Variants in TMPRSS11A observed in about 807,000 individuals in gnomAD.
TMPRSS11A encodes transmembrane protease serine 11A.
In TMPRSS11A, 53 loss-of-function variants were observed where a neutral mutation model predicts 58.9. The ratio of observed to expected loss-of-function variants is 0.90; its 90% CI spans 0.72 to 1.13. The LOEUF (loss-of-function observed/expected upper bound fraction) is 1.13, where lower values mean the gene tolerates loss of function less well. Ranked by LOEUF, TMPRSS11A falls within the 50% of genes most tolerant of loss-of-function variation. The pLI is 0.00. For synonymous variants in TMPRSS11A, 167 were observed against 169.8 expected, an observed-to-expected ratio of 0.98 and a Z score of 0.13; for missense variants, 493 against 499.3, an observed-to-expected ratio of 0.99 and a Z score of 0.12.
chr4:67,918,590 T>C (rs1011666101), intron 8 of TMPRSS11A, among the ~76,000 whole-genome samples: 1 of 152,184 alleles, frequency 6.6e-6, no homozygotes, highest in East Asian at 1.9e-4. Context: ...GGATGATGTG[T>C]TGAGGTGTTG....
At position 67,920,549 on chromosome 4, in the gene TMPRSS11A, A is replaced by ATATATATATAT. The variant is rs371252656; in HGVS notation, c.693-1318_693-1317insATATATATATA. Among the ~76,000 whole-genome samples, 35 of 130,896 alleles carry ATATATATATAT rather than the reference A, an allele frequency of 2.7e-4. 1 individual carries two copies. In the East Asian group the frequency reaches 3.5e-3, roughly 13 times the overall value. The allele number at this position is 130,896 out of a possible 152,430, so 85.9% of individuals were successfully genotyped here. A position where few individuals can be genotyped will look rare whatever the true frequency, so the allele number is the denominator to read the frequency against. ...TAATTATATATATATATATATATAT[A>ATATATATATAT]TTTTTTTTTATATATACACACACAC... On this transcript the variant is annotated intron_variant, in intron 7 of 9. Coordinates refer to ENST00000508048, the MANE Select transcript of TMPRSS11A (RefSeq NM_001114387.2).
chr4:67,958,759 T>C (rs758522314), intron 1 of TMPRSS11A, among the ~76,000 whole-genome samples: 1 of 152,250 alleles, frequency 6.6e-6, no homozygotes, highest in African/African-American at 2.4e-5. Context: ...CAAAATGATA[T>C]GGTTTGGCTG....
intron 5 of TMPRSS11A, among the ~76,000 whole-genome samples, chr4:67,925,621 G>A (rs1452122769): frequency 1.3e-5 from 2 of 152,158 alleles, no homozygotes; most frequent in African/African-American, 4.8e-5. Context: ...CAATTGCTCA[G>A]GACCATCGAT....
intron 4 of TMPRSS11A, 68 bp downstream of exon 4, chr4:67,931,925 G>A (rs530085196): frequency 3.5e-5 from 32 of 916,648 alleles, no homozygotes; most frequent in Non-Finnish European, 5.6e-5. Context: ...CAATACATGA[G>A]AGTCCCTGTC....
intron 1 of TMPRSS11A, among the ~76,000 whole-genome samples, chr4:67,952,935 C>G (rs1156317611): frequency 6.6e-6 from 1 of 152,010 alleles, no homozygotes; most frequent in Non-Finnish European, 1.5e-5. Context: ...CAGCCCCAAC[C>G]TTTTTGGCAC....
intron 3 of TMPRSS11A, among the ~76,000 whole-genome samples, chr4:67,943,997 C>A (rs1260745003): frequency 6.6e-6 from 1 of 152,076 alleles, no homozygotes; most frequent in Admixed American, 6.6e-5. Context: ...TTTTTGGGAG[C>A]AGTCTTGCAC....
rs145025861 is a variant in TMPRSS11A, at chr4:67,944,353, A to G, written c.252+166T>C. Among the ~76,000 whole-genome samples the G allele has an allele frequency of 1.3e-3, 193 of 152,196 alleles. 1 individual carries two copies. The highest frequency in any genetic ancestry group is 4.6e-3 in the African/African-American group (189 of 41,538). On this transcript the variant is annotated intron_variant, in intron 3 of 9. Transcript: ENST00000508048. The stretch of plus-strand genomic sequence containing the variant: ...CTTACTCTCCTCTCCCCACCTACCC[A>G]TCTCATCATACTCTGATTAAGCAGG...
Position 67,914,721 on chromosome 4 carries a change from T to G in TMPRSS11A, c.962A>C (p.Gln321Pro). ...FGALYYGGESQNDLREARVKI... is the reference protein window; with the variant it reads ...FGALYYGGESPNDLREARVKI... The stretch of plus-strand genomic sequence containing the variant: ...CACTCTGGCTTCTCGGAGATCATTT[T>G]GGGATTCCCCTTAAGGAAAAATAGA... The change falls in exon 9 of 10, where the codon CAA becomes CCA. Residue 321 changes from glutamine to proline, a missense_variant. Coordinates refer to ENST00000508048, the MANE Select transcript of TMPRSS11A (RefSeq NM_001114387.2). 1 of 1,612,990 alleles carries G rather than the reference T, an allele frequency of 6.2e-7. No individual in the cohort carries two copies. The highest frequency in any genetic ancestry group is 8.5e-7 in the Non-Finnish European group (1 of 1,179,392).
At chr4:67,930,899 T>C (rs1172240612) in intron 4 of TMPRSS11A, among the ~76,000 whole-genome samples, 1 of 145,248 alleles carries the variant, frequency 6.9e-6, no homozygotes, top group African/African-American at 2.6e-5. Context: ...AAAAGGAAAT[T>C]CTGAGACAAT....
intron 3 of TMPRSS11A, among the ~76,000 whole-genome samples, chr4:67,936,500 C>T (rs896419500): frequency 1.3e-5 from 2 of 152,078 alleles, no homozygotes; most frequent in Non-Finnish European, 2.9e-5. Flanking sequence ...TTGGAGAAAG[C>T]AGTTGGATCC....
At chr4:67,938,605 C>G (rs576257897) in intron 3 of TMPRSS11A, among the ~76,000 whole-genome samples, 1 of 152,006 alleles carries the variant, frequency 6.6e-6, no homozygotes, top group Non-Finnish European at 1.5e-5. Flanking sequence ...TGATAGGAGT[C>G]CAATTTCATT....
At chr4:67,918,942 A>AAG in intron 8 of TMPRSS11A, 31 bp downstream of exon 8, 1 of 1,612,222 alleles carries the variant, frequency 6.2e-7, no homozygotes. Context: ...GACAGGGCTT[A>AAG]GCGCTCTGTT....
At chr4:67,939,918 A>G (rs6850103) in intron 3 of TMPRSS11A, among the ~76,000 whole-genome samples, 1,654 of 152,148 alleles carry the variant, frequency 0.011, 28 homozygotes, top group African/African-American at 0.037. Flanking sequence ...CGAACTTCTG[A>G]CCTCAGGTAA....
intron 3 of TMPRSS11A, among the ~76,000 whole-genome samples, chr4:67,937,865 T>C (rs980586709): frequency 6.6e-6 from 1 of 152,106 alleles, no homozygotes; most frequent in Non-Finnish European, 1.5e-5. Flanking sequence ...TGGTAATTAA[T>C]GTGAGAGTGC....
Position 67,930,182 on chromosome 4 carries a change from A to G in TMPRSS11A, c.321-142T>C, listed in dbSNP as rs61641677. On this transcript the variant is annotated intron_variant, in intron 4 of 9. Transcript: ENST00000508048. ...GATCCTCTCATGTCATTCTGACCCA[A>G]GGTCATTTCATATGTTCCCTCTTCT... The G allele has an allele frequency of 5.0e-3, 2,972 of 594,200 alleles. 77 individuals are homozygous for G. The highest frequency in any genetic ancestry group is 0.049 in the African/African-American group (2,704 of 54,662). 36.8% of individuals were successfully genotyped at this position (594,200 alleles called of 1,614,324 possible).
At chr4:67,959,989 T>TA (rs943847379) in intron 1 of TMPRSS11A, among the ~76,000 whole-genome samples, 2 of 152,164 alleles carry the variant, frequency 1.3e-5, no homozygotes, top group Non-Finnish European at 2.9e-5. Context: ...TATGCAGCTG[T>TA]AAAAAATGTA....
At chr4:67,931,633 G>A (rs976618597) in intron 4 of TMPRSS11A, among the ~76,000 whole-genome samples, 2 of 152,116 alleles carry the variant, frequency 1.3e-5, no homozygotes, top group African/African-American at 4.8e-5. Flanking sequence ...TAATATAATT[G>A]TCAACATAAT....
At chr4:67,935,588 T>G (rs1428108675) in intron 3 of TMPRSS11A, among the ~76,000 whole-genome samples, 1 of 152,170 alleles carries the variant, frequency 6.6e-6, no homozygotes, top group East Asian at 1.9e-4. Context: ...AAACCCTTTA[T>G]GCATAGAGAT....
chr4:67,945,270 G>A (rs1577867624), intron 2 of TMPRSS11A, among the ~76,000 whole-genome samples: 2 of 152,054 alleles, frequency 1.3e-5, no homozygotes, highest in Non-Finnish European at 2.9e-5. Context: ...GGTAATCTGA[G>A]GAGTAAGGCC....
Sources: allele counts gnomAD v4.1 joint callset (sites outside exome capture counted in the v4.1 genomes callset), GRCh38; gene constraint gnomAD v4.1.1; transcripts MANE v1.5; gene names NCBI Gene and HGNC (gene_info 2026-07-23, HGNC 2026-07-21).